Variants in USP3 observed in about 807,000 individuals in gnomAD.
USP3 encodes the protein ubiquitin specific peptidase 3.
USP3 carries 20 observed loss-of-function variants against 72.3 expected under a neutral mutation model. The observed-to-expected ratio is 0.28, with a 90% confidence interval of 0.19 to 0.40. The LOEUF (loss-of-function observed/expected upper bound fraction) is 0.40, where lower values mean the gene tolerates loss of function less well. Among genes scored for constraint, USP3 ranks in the 10% least tolerant of loss-of-function variants. The probability of loss-of-function intolerance (pLI) is 1.00; values close to 1 mark genes in which losing one functional copy is unlikely to be tolerated. For missense variants in USP3, 479 were observed against 633.9 expected (o/e 0.76, Z 2.62); for synonymous variants, 222 against 225.3 (o/e 0.99, Z 0.13).
Position 63,590,848 on chromosome 15 carries a change from C to T in USP3, c.*22C>T, listed in dbSNP as rs2067185058. ...TTAATACCTCCTCCAAATCATCATT[C>T]ACCAACCATACCAGAGAAACATTTC... On this transcript the variant is annotated 3_prime_UTR_variant, in exon 15 of 15. Transcript: ENST00000380324. The T allele has an allele frequency of 6.3e-7, 1 of 1,596,952 alleles. No homozygotes were observed. Among genetic ancestry groups the T allele is most frequent in the Non-Finnish European group, 8.5e-7 (1 of 1,171,362 alleles).
intron 1 of USP3, among the ~76,000 whole-genome samples, chr15:63,523,542 C>T: frequency 6.6e-6 from 1 of 152,092 alleles, no homozygotes. Context: ...GAATTCTTCT[C>T]GAAGGGTTCA....
intron 1 of USP3, 35 bp from the exon 2 acceptor site, chr15:63,532,612 G>A (rs761682618): frequency 1.2e-6 from 2 of 1,609,732 alleles, no homozygotes; most frequent in Non-Finnish European, 1.7e-6. Flanking sequence ...ATAACATGAT[G>A]CAATTGGTAT....
At chr15:63,525,020 CT>C (rs2065963045) in intron 1 of USP3, among the ~76,000 whole-genome samples, 2 of 152,158 alleles carry the variant, frequency 1.3e-5, no homozygotes, top group South Asian at 4.1e-4. Context: ...AAATGCTGAA[CT>C]GACTTTACCA....
chr15:63,572,753 G>C (rs1281206703), intron 9 of USP3, among the ~76,000 whole-genome samples: 1 of 152,180 alleles, frequency 6.6e-6, no homozygotes, highest in Non-Finnish European at 1.5e-5. Flanking sequence ...AAAAAAGAGC[G>C]TGTATTGGCT....
chr15:63,576,179 G>T (rs1009979723), intron 11 of USP3, among the ~76,000 whole-genome samples: 1 of 151,978 alleles, frequency 6.6e-6, no homozygotes, highest in East Asian at 1.9e-4. Context: ...TAGAGACGAG[G>T]TTTTGCCATG....
chr15:63,511,630 A>G (rs6494407), intron 1 of USP3, among the ~76,000 whole-genome samples: 90,197 of 152,054 alleles, frequency 0.59, 27,954 homozygotes, highest in African/African-American at 0.66. Context: ...CACTATAGCT[A>G]TGGATAAAAT....
intron 1 of USP3, among the ~76,000 whole-genome samples, chr15:63,507,963 G>T (rs1445162167): frequency 3.3e-5 from 5 of 152,140 alleles, no homozygotes; most frequent in African/African-American, 1.2e-4. Context: ...AATTTAGTGG[G>T]AAGAATGGCA....
intron 1 of USP3, among the ~76,000 whole-genome samples, chr15:63,530,043 G>A (rs1219291809): frequency 6.6e-6 from 1 of 152,122 alleles, no homozygotes; most frequent in Non-Finnish European, 1.5e-5. Flanking sequence ...AGGCTGAGGT[G>A]GGAGGATCAA....
At chr15:63,533,821 A>G in intron 2 of USP3, 1 of 1,251,754 alleles carries the variant, frequency 8.0e-7, no homozygotes, top group Non-Finnish European at 1.0e-6. Flanking sequence ...GAACCTGAAA[A>G]TACTTTGTAC....
chr15:63,572,707 T>C (rs1170023497), intron 9 of USP3, among the ~76,000 whole-genome samples: 2 of 152,172 alleles, frequency 1.3e-5, no homozygotes, highest in Non-Finnish European at 2.9e-5. Flanking sequence ...GAGTAATTGA[T>C]TCAAGTGACA....
At chr15:63,539,594 G>T (rs2066212355) in intron 3 of USP3, among the ~76,000 whole-genome samples, 2 of 152,118 alleles carry the variant, frequency 1.3e-5, no homozygotes, top group Admixed American at 1.3e-4. Flanking sequence ...TTTCGCTATG[G>T]TCTGCTAAAG....
At chr15:63,579,534 C>T (rs981532285) in intron 11 of USP3, among the ~76,000 whole-genome samples, 38 of 152,124 alleles carry the variant, frequency 2.5e-4, no homozygotes, top group African/African-American at 8.9e-4. Flanking sequence ...TTAATTTCCT[C>T]CCTGCCTCAT....
In USP3 at chr15:63,510,511, A is replaced by G. The variant is rs543145246; in HGVS notation, c.91+5681A>G. On this transcript the variant is annotated intron_variant, in intron 1 of 14. Transcript: ENST00000380324. ...AAATAGATTTAGTCGGTAGATTATC[A>G]TTGTTTGAAGTGGAAAAGGTATGCT... 3.5e-4 allele frequency among the ~76,000 whole-genome samples: 53 copies of G among 152,304 alleles called. 1 individual carries two copies. Among genetic ancestry groups the G allele is most frequent in the Admixed American group, 2.0e-4 (3 of 15,300 alleles).
At chr15:63,545,902 C>T (rs965193822) in intron 3 of USP3, among the ~76,000 whole-genome samples, 5 of 129,858 alleles carry the variant, frequency 3.9e-5, no homozygotes, top group Non-Finnish European at 7.8e-5. Flanking sequence ...GCCCAGGAGA[C>T]GGAGGTTACA....
intron 1 of USP3, 99 bp from the exon 2 acceptor site, chr15:63,532,548 A>G: frequency 7.1e-7 from 1 of 1,411,820 alleles, no homozygotes; most frequent in Non-Finnish European, 1.0e-6. Flanking sequence ...CAGCATTCCT[A>G]CATAGCCATG....
intron 7 of USP3, among the ~76,000 whole-genome samples, chr15:63,562,330 G>GT (rs1280413688): frequency 6.6e-6 from 1 of 152,196 alleles, no homozygotes; most frequent in Non-Finnish European, 1.5e-5. Context: ...GAGCCGGTCA[G>GT]TGCACATAGA....
At chr15:63,543,941 G>T (rs2066282623) in intron 3 of USP3, among the ~76,000 whole-genome samples, 1 of 151,490 alleles carries the variant, frequency 6.6e-6, no homozygotes, top group South Asian at 2.1e-4. Flanking sequence ...CAGGCATGGT[G>T]GCTCACACCT....
intron 1 of USP3, among the ~76,000 whole-genome samples, chr15:63,516,211 T>G (rs1251996365): frequency 1.3e-5 from 2 of 152,226 alleles, no homozygotes; most frequent in East Asian, 3.8e-4. Context: ...CAAAGGTCTG[T>G]GAATATTATT....
At chr15:63,576,043 G>A (rs926631433) in intron 11 of USP3, among the ~76,000 whole-genome samples, 28 of 146,184 alleles carry the variant, frequency 1.9e-4, no homozygotes, top group Middle Eastern at 7.5e-3. Context: ...CTGGAGTGCA[G>A]TGGCGCGATC....
Sources: gnomAD v4.1 joint callset for allele counts (sites outside exome capture counted in the v4.1 genomes callset) on GRCh38, gnomAD v4.1.1 for gene constraint, MANE v1.5 for transcripts, NCBI Gene and HGNC (gene_info 2026-07-23, HGNC 2026-07-21) for gene names.